Variants in GREM2 observed in about 807,000 individuals in gnomAD.
The protein encoded by GREM2 is gremlin 2, DAN family BMP antagonist, also known as gremlin-2.
A neutral mutation model predicts 14.2 loss-of-function variants in GREM2; 11 were observed. The ratio of observed to expected loss-of-function variants is 0.78; its 90% CI spans 0.49 to 1.28. GREM2 has a LOEUF of 1.28. GREM2 is among the 50% of genes most tolerant of loss of function. The pLI is 0.00. For missense variants in GREM2, 210 were observed against 218.5 expected, an observed-to-expected ratio of 0.96 and a Z score of 0.24; for synonymous variants, 98 against 97.6, an observed-to-expected ratio of 1.00 and a Z score of -0.02.
rs534429877 is a variant in GREM2, at chr1:240,495,234, A to G, written c.-1-1758T>C. Among the ~76,000 whole-genome samples, 16 of 152,342 alleles carry G rather than the reference A, an allele frequency of 1.1e-4. 2 individuals carry two copies. Among genetic ancestry groups the G allele is most frequent in the Middle Eastern group, 6.8e-3 (2 of 294 alleles). On this transcript the variant is annotated intron_variant, in intron 1 of 1. Coordinates refer to ENST00000318160, the MANE Select transcript of GREM2 (RefSeq NM_022469.4). ...GTAGCTACCAATGTAGCTGTTACCA[A>G]CATCATCATCATCTTTATGTTTACT...
At chr1:240,572,570 C>T (rs1679280932) in intron 1 of GREM2, among the ~76,000 whole-genome samples, 1 of 152,142 alleles carries the variant, frequency 6.6e-6, no homozygotes, top group Non-Finnish European at 1.5e-5. Flanking sequence ...CATTTTGTCC[C>T]CTGCTGGACT....
chr1:240,498,018 C>T (rs1677470436), intron 1 of GREM2, among the ~76,000 whole-genome samples: 1 of 152,294 alleles, frequency 6.6e-6, no homozygotes, highest in Non-Finnish European at 1.5e-5. Flanking sequence ...GTAACAGCTT[C>T]ACATGCATGG....
intron 1 of GREM2, among the ~76,000 whole-genome samples, chr1:240,500,233 C>T (rs1321950374): frequency 1.3e-5 from 2 of 152,088 alleles, no homozygotes; most frequent in East Asian, 3.9e-4. Context: ...AGTTGGTATT[C>T]GTCGTTCCTG....
chr1:240,534,674 C>G (rs1678435777), intron 1 of GREM2, among the ~76,000 whole-genome samples: 2 of 138,862 alleles, frequency 1.4e-5, no homozygotes. Flanking sequence ...GCCTGGGCGA[C>G]AGAGCGAGAC....
chr1:240,500,312 T>C (rs1224001690), intron 1 of GREM2, among the ~76,000 whole-genome samples: 1 of 152,050 alleles, frequency 6.6e-6, no homozygotes, highest in Non-Finnish European at 1.5e-5. Context: ...CTTTTTTTTT[T>C]TTTCCAGACA....
intron 1 of GREM2, among the ~76,000 whole-genome samples, chr1:240,506,116 AG>A: frequency 6.6e-6 from 1 of 152,214 alleles, no homozygotes; most frequent in Non-Finnish European, 1.5e-5. Context: ...AGTATATTAA[AG>A]CATATTATTA....
intron 1 of GREM2, among the ~76,000 whole-genome samples, chr1:240,509,985 T>C (rs1019697553): frequency 2.0e-5 from 3 of 152,230 alleles, no homozygotes; most frequent in Admixed American, 2.0e-4. Context: ...TGGGCTACTG[T>C]AGAGCAAAGC....
chr1:240,494,092 A>G (rs1031187055), intron 1 of GREM2, among the ~76,000 whole-genome samples: 5 of 152,292 alleles, frequency 3.3e-5, no homozygotes, highest in African/African-American at 4.8e-5. Context: ...GCCAGTTTGC[A>G]GAAGTACCAA....
rs1006012853 is a variant in GREM2, at chr1:240,492,380, G to A, written c.*589C>T. ...TCCAAGTGGCTCAAGTTGTCTTCTT[G>A]GTATCAGGTTTATTAGGAGACGCCC... On this transcript the variant is annotated 3_prime_UTR_variant, in exon 2 of 2. Coordinates refer to ENST00000318160, the MANE Select transcript of GREM2 (RefSeq NM_022469.4). 6.8e-6 allele frequency: 2 copies of A among 294,776 alleles called. No individual in the cohort carries two copies. Among genetic ancestry groups the A allele is most frequent in the African/African-American group, 2.2e-5 (1 of 46,086 alleles). 18.3% of individuals were successfully genotyped at this position (294,776 alleles called of 1,614,324 possible).
At chr1:240,493,770 C>T (rs2103268643) in intron 1 of GREM2, among the ~76,000 whole-genome samples, 1 of 152,234 alleles carries the variant, frequency 6.6e-6, no homozygotes, top group Middle Eastern at 3.4e-3. Flanking sequence ...GCCTCAAGCG[C>T]TCCTCTGCCT....
At chr1:240,592,594 T>G (rs1187142320) in intron 1 of GREM2, among the ~76,000 whole-genome samples, 4 of 152,120 alleles carry the variant, frequency 2.6e-5, no homozygotes, top group African/African-American at 9.7e-5. Flanking sequence ...AGAAACCACT[T>G]CCTAGGGACC....
chr1:240,544,721 T>C (rs1678678648), intron 1 of GREM2, among the ~76,000 whole-genome samples: 1 of 152,196 alleles, frequency 6.6e-6, no homozygotes, highest in Admixed American at 6.5e-5. Flanking sequence ...TCTTTGGAGT[T>C]TCAAAATATG....
At chr1:240,541,385 A>G (rs1678583543) in intron 1 of GREM2, among the ~76,000 whole-genome samples, 1 of 152,198 alleles carries the variant, frequency 6.6e-6, no homozygotes, top group Admixed American at 6.5e-5. Context: ...AAGGGCCAAG[A>G]GTCCTTTGCT....
chr1:240,600,437 C>G (rs994380929), intron 1 of GREM2, among the ~76,000 whole-genome samples: 1 of 152,078 alleles, frequency 6.6e-6, no homozygotes, highest in African/African-American at 2.4e-5. Context: ...CATGTCTTTA[C>G]CAGTTCTATC....
chr1:240,607,315 T>G (rs1680047038), intron 1 of GREM2, among the ~76,000 whole-genome samples: 1 of 151,876 alleles, frequency 6.6e-6, no homozygotes, highest in Non-Finnish European at 1.5e-5. Context: ...TCTCCTGAGT[T>G]TCTTAGGTTA....
At chr1:240,583,379 T>G (rs1679528987) in intron 1 of GREM2, among the ~76,000 whole-genome samples, 1 of 152,162 alleles carries the variant, frequency 6.6e-6, no homozygotes, top group East Asian at 1.9e-4. Flanking sequence ...AATGGCCAAT[T>G]TACTTATATA....
intron 1 of GREM2, among the ~76,000 whole-genome samples, chr1:240,608,728 G>A (rs912047015): frequency 1.3e-5 from 2 of 152,198 alleles, no homozygotes; most frequent in African/African-American, 2.4e-5. Context: ...GATTTTGCCA[G>A]GTAGCACCAA....
chr1:240,534,774 G>A (rs1332789883), intron 1 of GREM2, among the ~76,000 whole-genome samples: 2 of 152,126 alleles, frequency 1.3e-5, no homozygotes, highest in Non-Finnish European at 2.9e-5. Context: ...AGACTAGTTA[G>A]GAGGCTACTG....
intron 1 of GREM2, among the ~76,000 whole-genome samples, chr1:240,594,312 C>T (rs994807337): frequency 1.3e-5 from 2 of 152,178 alleles, no homozygotes; most frequent in Non-Finnish European, 2.9e-5. Flanking sequence ...TTAAGTTCCT[C>T]ACTATGCAAT....
Sources: allele counts gnomAD v4.1 joint callset (sites outside exome capture counted in the v4.1 genomes callset), GRCh38; gene constraint gnomAD v4.1.1; transcripts MANE v1.5; gene names NCBI Gene and HGNC (gene_info 2026-07-23, HGNC 2026-07-21).